CEP112: variants seen among roughly 807,000 people sequenced by gnomAD.
CEP112 encodes the protein centrosomal protein of 112 kDa.
In CEP112, 127 loss-of-function variants were observed where a neutral mutation model predicts 153.0. That is an observed-to-expected ratio of 0.83 (90% confidence interval 0.72 to 0.96). CEP112 has a LOEUF of 0.96. Among genes scored for constraint, CEP112 ranks in the 40% least tolerant of loss-of-function variants. The pLI is 0.00. For synonymous variants in CEP112, 358 were observed against 374.4 expected, an observed-to-expected ratio of 0.96 and a Z score of 0.51; for missense variants, 1,089 against 1,101.2, an observed-to-expected ratio of 0.99 and a Z score of 0.16.
At chr17:65,908,612 T>G (rs570237001) in intron 19 of CEP112, among the ~76,000 whole-genome samples, 2 of 151,810 alleles carry the variant, frequency 1.3e-5, no homozygotes, top group East Asian at 3.9e-4. Context: ...AAGAATCGCT[T>G]GAACCCGGGA....
intron 17 of CEP112, among the ~76,000 whole-genome samples, chr17:65,979,428 T>C (rs2063152001): frequency 6.6e-6 from 1 of 151,890 alleles, no homozygotes; most frequent in African/African-American, 2.4e-5. Context: ...TTGGTAAAGA[T>C]AGAGTCTCAC....
rs182662907 is a variant in CEP112 at position 66,021,234 on chromosome 17, G to A, written c.1656+6267C>T. Among the ~76,000 whole-genome samples, 848 of 152,192 alleles carry A rather than the reference G, an allele frequency of 5.6e-3. 7 individuals carry two copies. Among genetic ancestry groups the A allele is most frequent in the Non-Finnish European group, 6.3e-3 (431 of 68,012 alleles). ...TTCTAACTCATATCAAGCTCGGCGGGTCCCTGAAATCTAGCAGTGGCGGCA... is the reference window on the plus strand; with the variant it reads ...TTCTAACTCATATCAAGCTCGGCGGATCCCTGAAATCTAGCAGTGGCGGCA... On this transcript the variant is annotated intron_variant, in intron 16 of 26. Transcript: ENST00000535342.
chr17:66,149,535 T>A (rs1235824199), intron 4 of CEP112, among the ~76,000 whole-genome samples: 1 of 152,212 alleles, frequency 6.6e-6, no homozygotes, highest in Non-Finnish European at 1.5e-5. Context: ...GATATTCTAT[T>A]CTTCATAATT....
intron 24 of CEP112, among the ~76,000 whole-genome samples, chr17:65,678,105 C>A (rs780291937): frequency 1.3e-5 from 2 of 152,118 alleles, no homozygotes; most frequent in Non-Finnish European, 2.9e-5. Context: ...CAAGCACAAT[C>A]AGTAGTCATC....
At chr17:66,075,901 G>A (rs899775208) in intron 8 of CEP112, among the ~76,000 whole-genome samples, 1 of 152,184 alleles carries the variant, frequency 6.6e-6, no homozygotes, top group Non-Finnish European at 1.5e-5. Context: ...GCAGAAGTGG[G>A]AAAGGGAGAC....
chr17:65,969,392 C>T (rs1288952097), intron 17 of CEP112, among the ~76,000 whole-genome samples: 1 of 152,066 alleles, frequency 6.6e-6, no homozygotes, highest in East Asian at 1.9e-4. Flanking sequence ...TTGCATAATA[C>T]ATACCACATG....
At chr17:65,850,147 CTGTCT>C (rs2057874780) in intron 21 of CEP112, among the ~76,000 whole-genome samples, 1 of 118,742 alleles carries the variant, frequency 8.4e-6, no homozygotes, top group Non-Finnish European at 1.6e-5. Context: ...GAGTGAGACT[CTGTCT>C]CAAAAAAAAA....
At chr17:65,798,228 C>T (rs1395776105) in intron 21 of CEP112, among the ~76,000 whole-genome samples, 1 of 152,096 alleles carries the variant, frequency 6.6e-6, no homozygotes, top group Non-Finnish European at 1.5e-5. Flanking sequence ...CTGATCTCCT[C>T]TCCAGGTATT....
chr17:65,660,236 CTCT>C (rs1413087814), intron 24 of CEP112, among the ~76,000 whole-genome samples: 309 of 137,706 alleles, frequency 2.2e-3, no homozygotes, highest in African/African-American at 7.9e-3. Context: ...TCCTTCCTTC[CTCT>C]TTTTTGTTTT....
chr17:65,719,879 G>C (rs567908165), intron 23 of CEP112, among the ~76,000 whole-genome samples: 1 of 152,218 alleles, frequency 6.6e-6, no homozygotes, highest in Non-Finnish European at 1.5e-5. Flanking sequence ...CCTCAGGGCC[G>C]TGGGGACCCA....
At chr17:65,971,336 A>T (rs1022729990) in intron 17 of CEP112, among the ~76,000 whole-genome samples, 2 of 150,904 alleles carry the variant, frequency 1.3e-5, no homozygotes, top group African/African-American at 4.9e-5. Context: ...AATATATTAC[A>T]TGTATATGTA....
At chr17:66,058,771 G>A (rs2066808252) in intron 11 of CEP112, among the ~76,000 whole-genome samples, 1 of 152,178 alleles carries the variant, frequency 6.6e-6, no homozygotes, top group African/African-American at 2.4e-5. Context: ...AGGATCACTT[G>A]AGCCCAGGAG....
rs1026547412 is a variant in CEP112, at chr17:65,826,556, C to A, written c.2394+25248G>T. On this transcript the variant is annotated intron_variant, in intron 21 of 26. Transcript: ENST00000535342. ...GATGTCAGCTAATGTGATGCCAGGG[C>A]TAAAGGGCCAGCACACCTTCTTTGT... The A allele has an allele frequency of 2.3e-6, 3 of 1,310,374 alleles. No individual in the cohort carries two copies. The South Asian group carries it at 5.4e-5, about 24-fold the overall frequency. The allele number at this position is 1,310,374 out of a possible 1,614,324, so 81.2% of individuals were successfully genotyped here. A position where few individuals can be genotyped will look rare whatever the true frequency, so the allele number is the denominator to read the frequency against.
chr17:65,929,264 C>T (rs137990047), intron 18 of CEP112, among the ~76,000 whole-genome samples: 1 of 152,224 alleles, frequency 6.6e-6, no homozygotes, highest in Non-Finnish European at 1.5e-5. Flanking sequence ...TCAAAGATTC[C>T]ACCACACCCA....
chr17:65,670,486 A>G lies in CEP112; in HGVS notation c.2697+18643T>C, dbSNP rs149376842. On this transcript the variant is annotated intron_variant, in intron 24 of 26. Coordinates refer to ENST00000535342, the MANE Select transcript of CEP112 (RefSeq NM_001199165.4). The stretch of plus-strand genomic sequence containing the variant: ...GTCCCCTATTTAAAAACTGAATAAC[A>G]ACAAGTGTCAACTTTTAAAACCCAT... Among the ~76,000 whole-genome samples, 556 of 152,272 alleles carry G rather than the reference A, an allele frequency of 3.7e-3. 1 individual carries two copies. The highest frequency in any genetic ancestry group is 0.013 in the African/African-American group (530 of 41,570).
chr17:65,947,840 G>A (rs1483653020), intron 18 of CEP112, among the ~76,000 whole-genome samples: 2 of 151,944 alleles, frequency 1.3e-5, no homozygotes, highest in Non-Finnish European at 2.9e-5. Flanking sequence ...AATTAACCAA[G>A]AGAAAATGCT....
At chr17:65,772,258 T>A (rs1487324853) in intron 21 of CEP112, among the ~76,000 whole-genome samples, 1 of 151,280 alleles carries the variant, frequency 6.6e-6, no homozygotes, top group African/African-American at 2.4e-5. Context: ...AATATAAGAG[T>A]TGAAATCAAT....
chr17:65,671,947 T>C (rs1216648648), intron 24 of CEP112, among the ~76,000 whole-genome samples: 2 of 152,156 alleles, frequency 1.3e-5, no homozygotes, highest in Non-Finnish European at 2.9e-5. Flanking sequence ...GCCTCACCTG[T>C]GCAATATGAC....
chr17:66,041,346 A>T lies in CEP112; in HGVS notation c.1219-11323T>A, dbSNP rs28482403. ...AGCAGAGTTTAAATGTTAATTTATT[A>T]AAAAACACCTTTAAGCAAAACAGTG... On this transcript the variant is annotated intron_variant, in intron 12 of 26. Transcript: ENST00000535342. Among the ~76,000 whole-genome samples, 397 of 55,840 alleles carry T rather than the reference A, an allele frequency of 7.1e-3. 2 individuals are homozygous for T. Among genetic ancestry groups the T allele is most frequent in the African/African-American group, 0.016 (375 of 22,744 alleles). The allele number at this position is 55,840 out of a possible 152,430, so 36.6% of individuals were successfully genotyped here.
Sources: allele counts gnomAD v4.1 joint callset (sites outside exome capture counted in the v4.1 genomes callset), GRCh38; gene constraint gnomAD v4.1.1; transcripts MANE v1.5; gene names NCBI Gene and HGNC (gene_info 2026-07-23, HGNC 2026-07-21).